GBE1: variants seen among roughly 807,000 people sequenced by gnomAD.
GBE1 encodes the protein 1,4-alpha-glucan-branching enzyme.
A neutral mutation model predicts 88.8 loss-of-function variants in GBE1; 70 were observed. The ratio of observed to expected loss-of-function variants is 0.79; its 90% CI spans 0.65 to 0.96. GBE1 has a LOEUF of 0.96. Ranked by LOEUF, GBE1 falls within the 40% of genes least tolerant of loss-of-function variation. The pLI, the probability that GBE1 is intolerant of heterozygous loss-of-function variation, is 0.00. For missense variants in GBE1, 872 were observed against 871.0 expected (o/e 1.00, Z -0.01); for synonymous variants, 284 against 300.1 (o/e 0.95, Z 0.56).
At chr3:81,592,549 C>A (rs980242800) in intron 8 of GBE1, among the ~76,000 whole-genome samples, 1 of 151,974 alleles carries the variant, frequency 6.6e-6, no homozygotes, top group Non-Finnish European at 1.5e-5. Flanking sequence ...TCTATTTGAT[C>A]TTCTGCTGTG....
At chr3:81,685,661 C>T (rs1344221893) in intron 2 of GBE1, among the ~76,000 whole-genome samples, 2 of 152,106 alleles carry the variant, frequency 1.3e-5, no homozygotes, top group South Asian at 2.1e-4. Flanking sequence ...GTATTACAAG[C>T]GTGAGCCATT....
chr3:81,648,511 A>G (rs1704799293), intron 5 of GBE1, among the ~76,000 whole-genome samples: 1 of 152,240 alleles, frequency 6.6e-6, no homozygotes, highest in Admixed American at 6.5e-5. Context: ...TTAACAGACT[A>G]AAATGAACAG....
intron 4 of GBE1, 117 bp from the exon 5 acceptor site, chr3:81,649,108 A>G: frequency 1.5e-6 from 1 of 679,716 alleles, no homozygotes; most frequent in Non-Finnish European, 2.3e-6. Flanking sequence ...CTATTCTCAC[A>G]TATAAAAGGC....
chr3:81,748,969 T>C (rs1220974596), intron 1 of GBE1, among the ~76,000 whole-genome samples: 1 of 138,270 alleles, frequency 7.2e-6, no homozygotes, highest in African/African-American at 2.8e-5. Flanking sequence ...ACGGTACCAC[T>C]GCACTCCAGC....
chr3:81,760,477 T>C (rs1252046704), intron 1 of GBE1, among the ~76,000 whole-genome samples: 1 of 152,222 alleles, frequency 6.6e-6, no homozygotes, highest in Non-Finnish European at 1.5e-5. Context: ...CAGGATAGTT[T>C]CCATTCTGCA....
At chr3:81,665,535 CAA>C (rs1244162448) in intron 3 of GBE1, among the ~76,000 whole-genome samples, 35 of 90,068 alleles carry the variant, frequency 3.9e-4, no homozygotes, top group Admixed American at 4.7e-4. Flanking sequence ...GACTCCGTCT[CAA>C]AAAAAAAAAA....
chr3:81,672,569 AG>A (rs1705203332), intron 2 of GBE1, among the ~76,000 whole-genome samples: 1 of 152,018 alleles, frequency 6.6e-6, no homozygotes, highest in African/African-American at 2.4e-5. Flanking sequence ...ATTGATACAT[AG>A]GTATGTAGTA....
At chr3:81,716,545 G>T (rs1448807743) in intron 1 of GBE1, among the ~76,000 whole-genome samples, 2 of 151,950 alleles carry the variant, frequency 1.3e-5, no homozygotes, top group African/African-American at 4.8e-5. Flanking sequence ...CAAAAAACTG[G>T]ACAAAGCCCA....
chr3:81,572,075 TGTGATA>T (rs765968556), intron 12 of GBE1, among the ~76,000 whole-genome samples: 2 of 152,148 alleles, frequency 1.3e-5, no homozygotes, highest in Non-Finnish European at 2.9e-5. Context: ...ATGCTGTTCT[TGTGATA>T]GTGAGTTCTC....
chr3:81,721,051 T>G, intron 1 of GBE1, among the ~76,000 whole-genome samples: 7 of 45,746 alleles, frequency 1.5e-4, no homozygotes, highest in Non-Finnish European at 1.8e-4. Context: ...GGGACTGTGG[T>G]GGGGTCGGGG....
chr3:81,599,922 A>G (rs2106967009), intron 7 of GBE1, among the ~76,000 whole-genome samples: 1 of 152,272 alleles, frequency 6.6e-6, no homozygotes, highest in Non-Finnish European at 1.5e-5. Context: ...AACAATTCAT[A>G]TACTCCTTTT....
At chr3:81,650,716 G>GC (rs1465014139) in intron 3 of GBE1, among the ~76,000 whole-genome samples, 7 of 152,114 alleles carry the variant, frequency 4.6e-5, no homozygotes, top group South Asian at 2.1e-4. Flanking sequence ...CCCAGGTGGA[G>GC]CACAGTGGTG....
chr3:81,557,656 A>G (rs1703365086), intron 12 of GBE1, among the ~76,000 whole-genome samples: 2 of 152,050 alleles, frequency 1.3e-5, no homozygotes, highest in South Asian at 4.1e-4. Context: ...TATGTTTGTA[A>G]TTCAGAATAA....
At chr3:81,491,154 C>G (rs1269729461) in intron 15 of GBE1, among the ~76,000 whole-genome samples, 1 of 152,190 alleles carries the variant, frequency 6.6e-6, no homozygotes, top group Non-Finnish European at 1.5e-5. Flanking sequence ...GTGCCTTCTG[C>G]TGTAAACACT....
At chr3:81,595,814 A>G (rs1451869782) in intron 7 of GBE1, among the ~76,000 whole-genome samples, 1 of 152,008 alleles carries the variant, frequency 6.6e-6, no homozygotes, top group African/African-American at 2.4e-5. Context: ...TAAAATAAAA[A>G]GACACATTTG....
intron 2 of GBE1, among the ~76,000 whole-genome samples, chr3:81,696,588 T>A (rs1396542675): frequency 6.6e-6 from 1 of 152,166 alleles, no homozygotes; most frequent in Non-Finnish European, 1.5e-5. Context: ...TAAGAGAATA[T>A]GAATAATGCA....
intron 6 of GBE1, among the ~76,000 whole-genome samples, chr3:81,643,411 G>T (rs1704720041): frequency 6.6e-6 from 1 of 152,006 alleles, no homozygotes; most frequent in South Asian, 2.1e-4. Flanking sequence ...CTTGATTGAG[G>T]TTATCCCTCC....
chr3:81,492,274 A>G (rs749063321), intron 15 of GBE1, among the ~76,000 whole-genome samples: 1 of 152,184 alleles, frequency 6.6e-6, no homozygotes, highest in Admixed American at 6.5e-5. Flanking sequence ...TCAGAATTTC[A>G]CTGCTAATGC....
intron 7 of GBE1, among the ~76,000 whole-genome samples, chr3:81,611,349 CAGGTTTGTTAATA>C (rs1354109464): frequency 1.3e-5 from 2 of 152,088 alleles, no homozygotes; most frequent in African/African-American, 4.8e-5. Context: ...TAGACAAATT[CAGGTTTGTTAATA>C]AATAAGAATT....
Sources: gnomAD v4.1 joint callset for allele counts (sites outside exome capture counted in the v4.1 genomes callset) on GRCh38, gnomAD v4.1.1 for gene constraint, MANE v1.5 for transcripts, NCBI Gene and HGNC (gene_info 2026-07-23, HGNC 2026-07-21) for gene names.